PRKAG2: variants seen among roughly 807,000 people sequenced by gnomAD.
PRKAG2 encodes the protein protein kinase AMP-activated non-catalytic subunit gamma 2, also known as 5'-AMP-activated protein kinase subunit gamma-2.
A neutral mutation model predicts 69.6 loss-of-function variants in PRKAG2; 26 were observed. The observed-to-expected ratio is 0.37, with a 90% CI of 0.27 to 0.52. The LOEUF is 0.52. Among genes scored for constraint, PRKAG2 ranks in the 20% least tolerant of loss-of-function variants. The pLI is 0.90. For missense variants in PRKAG2, 557 were observed against 740.0 expected (o/e 0.75, Z 2.87); for synonymous variants, 293 against 285.0 (o/e 1.03, Z -0.28).
At chr7:151,667,103 C>G (rs559885009) in intron 4 of PRKAG2, among the ~76,000 whole-genome samples, 1 of 152,296 alleles carries the variant, frequency 6.6e-6, no homozygotes, top group East Asian at 1.9e-4. Context: ...GTATAAAGGC[C>G]TAGTTTCTTT....
intron 6 of PRKAG2, among the ~76,000 whole-genome samples, chr7:151,579,994 G>A (rs1447340853): frequency 1.3e-5 from 2 of 152,148 alleles, no homozygotes; most frequent in Non-Finnish European, 2.9e-5. Flanking sequence ...GGCAAAGTAA[G>A]GTTTTTTGGA....
intron 1 of PRKAG2, among the ~76,000 whole-genome samples, chr7:151,796,067 A>G (rs748077048): frequency 1.4e-4 from 21 of 151,736 alleles, no homozygotes; most frequent in Non-Finnish European, 1.0e-4. Context: ...TAGGAGATCT[A>G]TATGCTTGGA....
chr7:151,702,479 C>T (rs943448316), intron 3 of PRKAG2, among the ~76,000 whole-genome samples: 3 of 152,224 alleles, frequency 2.0e-5, no homozygotes. Context: ...GGAGCCCCCA[C>T]GGCAGTCTTG....
chr7:151,617,714 T>TTA (rs1820517507), intron 5 of PRKAG2, among the ~76,000 whole-genome samples: 1 of 152,178 alleles, frequency 6.6e-6, no homozygotes, highest in African/African-American at 2.4e-5. Flanking sequence ...AAAGACTAAG[T>TTA]GTATAAGAAT....
At chr7:151,739,001 C>G (rs1439590258) in intron 3 of PRKAG2, among the ~76,000 whole-genome samples, 1 of 151,804 alleles carries the variant, frequency 6.6e-6, no homozygotes, top group African/African-American at 2.4e-5. Flanking sequence ...TCAGCTCCCA[C>G]CCCAGATCTG....
At position 151,864,391 on chromosome 7, in the gene PRKAG2, G is replaced by A. The variant is rs182053043; in HGVS notation, c.114+12116C>T. 2.7e-3 allele frequency among the ~76,000 whole-genome samples: 404 copies of A among 152,264 alleles called. 4 individuals are homozygous for A. Among genetic ancestry groups the A allele is most frequent in the Admixed American group, 0.013 (192 of 15,294 alleles). On this transcript the variant is annotated intron_variant, in intron 1 of 15. Transcript: ENST00000287878. ...TCTTGGGGCTGTTTCCTCATTATAC[G>A]GCGGTCCAGGGTGCAGCTTCCTGTT...
At chr7:151,832,262 AGGAAGGGAGGAG>A (rs1397244348) in intron 1 of PRKAG2, among the ~76,000 whole-genome samples, 5 of 109,540 alleles carry the variant, frequency 4.6e-5, no homozygotes, top group African/African-American at 2.4e-4. Flanking sequence ...GGAGGAGGGA[AGGAAGGGAGGAG>A]GGAAGGAAGG....
At position 151,771,463 on chromosome 7, in the gene PRKAG2, C is replaced by T. The variant is rs1380788407; in HGVS notation, c.466+9689G>A. Among the ~76,000 whole-genome samples, 5 of 152,090 alleles carry T rather than the reference C, an allele frequency of 3.3e-5. No homozygotes were observed. The highest frequency in any genetic ancestry group is 2.1e-4 in the South Asian group (1 of 4,818). ...ACTCTGTTCCAAAGCCAGAGAGCTC[C>T]GTGTCCTTTTGCTGTATCTGAACAA... On this transcript the variant is annotated intron_variant, in intron 3 of 15. Transcript: ENST00000287878. The surrounding 1 kb of genome is among the most constrained non-coding windows in gnomAD (Gnocchi z 4.0).
rs2079124154 is a variant in PRKAG2, at chr7:151,835,370, T to C, written c.114+41137A>G. On this transcript the variant is annotated intron_variant, in intron 1 of 15. Coordinates refer to ENST00000287878, the MANE Select transcript of PRKAG2 (RefSeq NM_016203.4). This position sits in a 1 kb window ranked among gnomAD's most constrained non-coding sequence, Gnocchi z 4.1. Reference sequence around the variant, plus strand: ...TTTTTATTATTTTTATTATTTTTAATTTTTTGTAGAGACGGGTCTCCCTAT... The same window carrying C: ...TTTTTATTATTTTTATTATTTTTAACTTTTTGTAGAGACGGGTCTCCCTAT... 6.6e-6 allele frequency among the ~76,000 whole-genome samples: 1 copy of C among 152,054 alleles called. No homozygotes were observed. The highest frequency in any genetic ancestry group is 2.4e-5 in the African/African-American group (1 of 41,400).
At chr7:151,809,069 A>G (rs6464173) in intron 1 of PRKAG2, among the ~76,000 whole-genome samples, 88,593 of 152,144 alleles carry the variant, frequency 0.58, 27,057 homozygotes, top group African/African-American at 0.76. Flanking sequence ...TACGCCTTGC[A>G]CGGATGAGTA....
In PRKAG2 at chr7:151,738,382, T is replaced by C. The variant is rs534271879; in HGVS notation, c.466+42770A>G. Among the ~76,000 whole-genome samples, 267 of 151,610 alleles carry C rather than the reference T, an allele frequency of 1.8e-3. 1 individual carries two copies. Among genetic ancestry groups the C allele is most frequent in the Non-Finnish European group, 2.8e-3 (189 of 67,866 alleles). ...GAGATGCCCAGATCTGCCACTGCCA[T>C]GGGGCCTCTGTTGGGAGCAAGCCCC... On this transcript the variant is annotated intron_variant, in intron 3 of 15. Transcript: ENST00000287878.
chr7:151,691,189 C>A (rs547214075), intron 3 of PRKAG2, among the ~76,000 whole-genome samples: 8 of 152,104 alleles, frequency 5.3e-5, no homozygotes, highest in Admixed American at 1.3e-4. Context: ...TACACACCCT[C>A]CTGTATACTT....
chr7:151,834,457 G>A (rs907908879), intron 1 of PRKAG2, among the ~76,000 whole-genome samples: 1 of 152,164 alleles, frequency 6.6e-6, no homozygotes, highest in Admixed American at 6.6e-5. Context: ...CTCTGGCCAC[G>A]TTTTTGTCAA....
At chr7:151,658,194 T>TAAAA (rs1188245398) in intron 4 of PRKAG2, among the ~76,000 whole-genome samples, 8 of 133,792 alleles carry the variant, frequency 6.0e-5, no homozygotes, top group African/African-American at 1.4e-4. Flanking sequence ...AATAAATAAA[T>TAAAA]AAGAATAATA....
rs142614405 is a variant in PRKAG2, at chr7:151,724,280, G to A, written c.467-48643C>T. On this transcript the variant is annotated intron_variant, in intron 3 of 15. Coordinates refer to ENST00000287878, the MANE Select transcript of PRKAG2 (RefSeq NM_016203.4). ...TGGGCTCTTTCTGCATTTGGGGGTCGCTTTGCATACAGGGCCCTTTCACAG... is the reference window on the plus strand; with the variant it reads ...TGGGCTCTTTCTGCATTTGGGGGTCACTTTGCATACAGGGCCCTTTCACAG... Among the ~76,000 whole-genome samples, 156 of 152,260 alleles carry A rather than the reference G, an allele frequency of 1.0e-3. No homozygotes were observed. The East Asian group carries it at 0.029, about 29-fold the overall frequency.
chr7:151,584,602 G>A (rs904714736), intron 6 of PRKAG2, among the ~76,000 whole-genome samples: 1 of 152,214 alleles, frequency 6.6e-6, no homozygotes, highest in Non-Finnish European at 1.5e-5. Flanking sequence ...GCAAGCACTG[G>A]GAAGAAAATG....
At chr7:151,616,083 A>G (rs757636463) in intron 5 of PRKAG2, among the ~76,000 whole-genome samples, 23 of 152,178 alleles carry the variant, frequency 1.5e-4, no homozygotes, top group Non-Finnish European at 2.8e-4. Context: ...AAATTTTGCC[A>G]CTGGTCAGAG....
At chr7:151,701,484 C>T (rs762569741) in intron 3 of PRKAG2, among the ~76,000 whole-genome samples, 1 of 152,228 alleles carries the variant, frequency 6.6e-6, no homozygotes, top group East Asian at 1.9e-4. Context: ...GAGGAGGAAA[C>T]GTGGACACAG....
intron 1 of PRKAG2, among the ~76,000 whole-genome samples, chr7:151,851,255 G>A (rs1398692934): frequency 6.6e-6 from 1 of 151,872 alleles, no homozygotes; most frequent in Non-Finnish European, 1.5e-5. Flanking sequence ...GAACTGGAGT[G>A]AGCTTTCCTG....
Sources: gnomAD v4.1 joint callset for allele counts (sites outside exome capture counted in the v4.1 genomes callset) on GRCh38, gnomAD v4.1.1 for gene constraint, Gnocchi (gnomAD v3.1) non-coding constraint, MANE v1.5 for transcripts, NCBI Gene and HGNC (gene_info 2026-07-23, HGNC 2026-07-21) for gene names.